Variants in FKTN observed in about 807,000 individuals in gnomAD.
FKTN encodes the protein fukutin.
Under a neutral mutation model 58.6 loss-of-function variants are expected in FKTN, and 47 were observed. The ratio of observed to expected loss-of-function variants is 0.80; its 90% CI spans 0.63 to 1.02. FKTN has a LOEUF of 1.02. Ranked by LOEUF, FKTN falls within the 50% of genes least tolerant of loss-of-function variation. FKTN has a pLI of 0.00. For missense variants in FKTN, 516 were observed against 537.3 expected (o/e 0.96, Z 0.39); for synonymous variants, 178 against 191.9 (o/e 0.93, Z 0.60).
At chr9:105,573,215 A>C (rs542747250) in intron 1 of FKTN, among the ~76,000 whole-genome samples, 76 of 149,296 alleles carry the variant, frequency 5.1e-4, no homozygotes, top group African/African-American at 1.7e-3. Context: ...ATCCAGCCTG[A>C]GTGACAGAGG....
At chr9:105,618,772 A>G (rs1441193427) in intron 9 of FKTN, among the ~76,000 whole-genome samples, 2 of 152,210 alleles carry the variant, frequency 1.3e-5, no homozygotes, top group Non-Finnish European at 2.9e-5. Flanking sequence ...ACAAGCAAGT[A>G]AAAATATGTT....
chr9:105,603,020 G>A (rs187300333), intron 5 of FKTN, among the ~76,000 whole-genome samples: 23 of 152,316 alleles, frequency 1.5e-4, no homozygotes, highest in Middle Eastern at 3.4e-3. Context: ...GCTACTGGGA[G>A]TGGACTTTTC....
chr9:105,568,871 A>T (rs1304818492), intron 1 of FKTN, among the ~76,000 whole-genome samples: 5 of 152,184 alleles, frequency 3.3e-5, no homozygotes, highest in Non-Finnish European at 7.4e-5. Flanking sequence ...TCACAATAGC[A>T]AAGACCTGGA....
At chr9:105,572,252 T>A (rs1021280129) in intron 1 of FKTN, among the ~76,000 whole-genome samples, 2 of 150,672 alleles carry the variant, frequency 1.3e-5, no homozygotes, top group Non-Finnish European at 1.5e-5. Flanking sequence ...ATATATATAT[T>A]TTAGTGTTTG....
At chr9:105,595,751 T>G (rs1344960960) in intron 3 of FKTN, among the ~76,000 whole-genome samples, 1 of 152,186 alleles carries the variant, frequency 6.6e-6, no homozygotes. Context: ...TGAGGTTTAA[T>G]GGGGAAATGA....
At chr9:105,612,486 C>G (rs1236774221) in intron 7 of FKTN, among the ~76,000 whole-genome samples, 5 of 119,470 alleles carry the variant, frequency 4.2e-5, no homozygotes, top group Non-Finnish European at 8.5e-5. Context: ...ATGGTATTGC[C>G]TGGGTTATCT....
At chr9:105,561,192 T>G (rs929613884) in intron 1 of FKTN, among the ~76,000 whole-genome samples, 2 of 152,202 alleles carry the variant, frequency 1.3e-5, no homozygotes, top group South Asian at 4.2e-4. Flanking sequence ...GAGGATTGCT[T>G]GTGCCTAGCA....
intron 1 of FKTN, among the ~76,000 whole-genome samples, chr9:105,566,406 G>T (rs989040939): frequency 4.6e-5 from 7 of 151,942 alleles, no homozygotes; most frequent in African/African-American, 1.5e-4. Context: ...CCACTAGCAA[G>T]ACTAATAAAG....
chr9:105,572,378 AAAC>A (rs1840889262), intron 1 of FKTN, among the ~76,000 whole-genome samples: 2 of 152,204 alleles, frequency 1.3e-5, no homozygotes, highest in Non-Finnish European at 2.9e-5. Context: ...AATTACCATG[AAAC>A]AACAAGGAAA....
At position 105,601,209 on chromosome 9, in the gene FKTN, C is replaced by A; in HGVS notation, c.230C>A (p.Pro77His). The change falls in exon 5 of 11, where the codon CCT (proline) becomes CAT (histidine). Residue 77 changes from proline (P) to histidine (H), a missense_variant. Pro to His is a moderately conservative substitution (Grantham distance 77). Coordinates refer to ENST00000357998, the MANE Select transcript of FKTN (RefSeq NM_001079802.2). ...NQNVPVFLID[P>H]LILELINKNF... The stretch of plus-strand genomic sequence containing the variant: ...AATGTACCAGTGTTTCTTATTGATC[C>A]TTTGATACTGGAATTGATTAATAAG... The A allele has an allele frequency of 6.2e-7, 1 of 1,609,734 alleles. No homozygotes were observed. Among genetic ancestry groups the A allele is most frequent in the South Asian group, 1.1e-5 (1 of 90,952 alleles).
At chr9:105,620,236 G>A (rs1407114180) in intron 10 of FKTN, 175 bp downstream of exon 10, 7 of 547,874 alleles carry the variant, frequency 1.3e-5, no homozygotes, top group Non-Finnish European at 2.3e-5. Context: ...AAGAATACCT[G>A]TAAGGACGGT....
At chr9:105,618,932 G>A (rs1831331141) in intron 9 of FKTN, among the ~76,000 whole-genome samples, 1 of 152,146 alleles carries the variant, frequency 6.6e-6, no homozygotes, top group Non-Finnish European at 1.5e-5. Flanking sequence ...GGTGGCGGGC[G>A]CCTGTAGTCC....
At chr9:105,618,820 A>C (rs1831299302) in intron 9 of FKTN, among the ~76,000 whole-genome samples, 1 of 152,228 alleles carries the variant, frequency 6.6e-6, no homozygotes, top group Admixed American at 6.5e-5. Context: ...CTGTAATCCC[A>C]GCACTATGGG....
intron 1 of FKTN, among the ~76,000 whole-genome samples, chr9:105,571,201 A>C (rs1159972212): frequency 1.3e-5 from 2 of 152,170 alleles, no homozygotes; most frequent in African/African-American, 4.8e-5. Flanking sequence ...AGTTAAAATT[A>C]GGACATTAGG....
intron 1 of FKTN, among the ~76,000 whole-genome samples, chr9:105,558,601 C>T (rs756470002): frequency 2.6e-5 from 4 of 151,450 alleles, no homozygotes; most frequent in Non-Finnish European, 5.9e-5. Context: ...ATGAGGTAAG[C>T]CACATTTCTC....
At chr9:105,590,860 AG>A (rs1844739805) in intron 3 of FKTN, among the ~76,000 whole-genome samples, 1 of 151,932 alleles carries the variant, frequency 6.6e-6, no homozygotes, top group African/African-American at 2.4e-5. Context: ...GCATGATGCT[AG>A]CATCTGCTCA....
intron 10 of FKTN, among the ~76,000 whole-genome samples, chr9:105,627,293 A>G (rs1258150756): frequency 6.6e-6 from 1 of 151,952 alleles, no homozygotes; most frequent in Non-Finnish European, 1.5e-5. Flanking sequence ...CTTAATAGTG[A>G]TTTTTGGTGA....
chr9:105,619,156 G>T lies in FKTN; in HGVS notation c.1045-778G>T, dbSNP rs191668281. Among the ~76,000 whole-genome samples the T allele has an allele frequency of 9.2e-3, 1,392 of 151,756 alleles. 23 individuals are homozygous for T. Among genetic ancestry groups the T allele is most frequent in the African/African-American group, 0.032 (1,343 of 41,364 alleles). On this transcript the variant is annotated intron_variant, in intron 9 of 10. Coordinates refer to ENST00000357998, the MANE Select transcript of FKTN (RefSeq NM_001079802.2). Reference sequence around the variant, plus strand: ...AAAAATATAAATAAAATATTTTACTGAGGTCAAAGTCAAATAACAGAGCTC... The same window carrying T: ...AAAAATATAAATAAAATATTTTACTTAGGTCAAAGTCAAATAACAGAGCTC...
chr9:105,607,046 T>A (rs572829448), intron 6 of FKTN, among the ~76,000 whole-genome samples: 1 of 152,184 alleles, frequency 6.6e-6, no homozygotes, highest in East Asian at 1.9e-4. Context: ...TTTAAAGCTT[T>A]GTGAATTTAT....
Sources: allele counts gnomAD v4.1 joint callset (sites outside exome capture counted in the v4.1 genomes callset), GRCh38; gene constraint gnomAD v4.1.1; transcripts MANE v1.5; gene names NCBI Gene and HGNC (gene_info 2026-07-23, HGNC 2026-07-21).